The following FAM219A variants were observed in gnomAD, a reference collection of about 807,000 sequenced individuals.
FAM219A encodes protein FAM219A.
Under a neutral mutation model 23.4 loss-of-function variants are expected in FAM219A, and 7 were observed. The ratio of observed to expected loss-of-function variants is 0.30; its 90% CI spans 0.17 to 0.56. FAM219A has a LOEUF of 0.56. FAM219A is among the 20% of genes least tolerant of loss of function. The pLI, the probability that FAM219A is intolerant of heterozygous loss-of-function variation, is 0.92. For missense variants in FAM219A, 166 were observed against 246.9 expected (o/e 0.67, Z 2.20); for synonymous variants, 93 against 99.0 (o/e 0.94, Z 0.36).
intron 1 of FAM219A, among the ~76,000 whole-genome samples, chr9:34,429,748 C>CA (rs968903741): frequency 1.4e-4 from 21 of 151,714 alleles, no homozygotes; most frequent in Non-Finnish European, 2.5e-4. Context: ...CTTCCCTCTG[C>CA]AAAAAAAGGC....
intron 1 of FAM219A, among the ~76,000 whole-genome samples, chr9:34,419,703 A>C (rs780719521): frequency 2.0e-5 from 3 of 152,172 alleles, no homozygotes; most frequent in African/African-American, 7.2e-5. Context: ...ATCTCACTTA[A>C]GGCTTTTTAG....
chr9:34,439,728 G>A (rs1022918913), intron 1 of FAM219A, among the ~76,000 whole-genome samples: 1 of 152,070 alleles, frequency 6.6e-6, no homozygotes, highest in Non-Finnish European at 1.5e-5. Context: ...GAGAAGTGGA[G>A]GAAAAGCCAG....
At chr9:34,401,185 G>A (rs1042259014) in intron 5 of FAM219A, 63 bp from the exon 6 acceptor site, 234 of 1,568,128 alleles carry the variant, frequency 1.5e-4, no homozygotes, top group Non-Finnish European at 1.9e-4. Context: ...ACAGCTCTGC[G>A]GCCACTCCAG....
intron 1 of FAM219A, among the ~76,000 whole-genome samples, chr9:34,413,932 T>G (rs1821912173): frequency 1.3e-5 from 2 of 152,198 alleles, no homozygotes; most frequent in African/African-American, 2.4e-5. Context: ...TATCACAAAT[T>G]TATCCATTGG....
intron 1 of FAM219A, among the ~76,000 whole-genome samples, chr9:34,438,918 C>T (rs971053273): frequency 1.3e-5 from 2 of 152,376 alleles, no homozygotes; most frequent in Admixed American, 6.5e-5. Flanking sequence ...AATCTTGCTA[C>T]TGCTCATTCT....
intron 1 of FAM219A, among the ~76,000 whole-genome samples, chr9:34,456,856 T>C (rs1259132314): frequency 1.3e-5 from 2 of 152,220 alleles, no homozygotes; most frequent in East Asian, 3.8e-4. Flanking sequence ...CTTTGTCTCC[T>C]GCTAAGTGGC....
At chr9:34,403,769 C>A (rs1212254189) in intron 2 of FAM219A, among the ~76,000 whole-genome samples, 1 of 152,212 alleles carries the variant, frequency 6.6e-6, no homozygotes, top group Non-Finnish European at 1.5e-5. Context: ...GGGAAAATGA[C>A]TCATAAAATA....
chr9:34,408,543 C>T (rs754490325), intron 1 of FAM219A, among the ~76,000 whole-genome samples: 4 of 152,208 alleles, frequency 2.6e-5, no homozygotes, highest in Non-Finnish European at 5.9e-5. Context: ...TGGTAGCATT[C>T]GTCACATGTC....
intron 1 of FAM219A, among the ~76,000 whole-genome samples, chr9:34,450,647 G>A (rs1276080054): frequency 2.6e-5 from 4 of 152,130 alleles, no homozygotes; most frequent in Non-Finnish European, 5.9e-5. Context: ...TTGAACTCCC[G>A]ACCTGGTTAT....
chr9:34,413,234 T>G (rs1388480718), intron 1 of FAM219A, among the ~76,000 whole-genome samples: 16 of 131,354 alleles, frequency 1.2e-4, no homozygotes, highest in South Asian at 2.5e-4. Flanking sequence ...AGAAAGGGGG[T>G]GGAAAGTTAG....
At chr9:34,442,252 C>A (rs917446235) in intron 1 of FAM219A, among the ~76,000 whole-genome samples, 3 of 152,180 alleles carry the variant, frequency 2.0e-5, no homozygotes, top group Non-Finnish European at 2.9e-5. Context: ...AAAAACAACA[C>A]AAGAATGCAG....
intron 1 of FAM219A, among the ~76,000 whole-genome samples, chr9:34,439,176 G>A (rs745561484): frequency 5.3e-5 from 8 of 152,160 alleles, no homozygotes; most frequent in Admixed American, 1.3e-4. Flanking sequence ...CGGACACGCC[G>A]CCTTTAAGAA....
chr9:34,439,007 C>T (rs1391812791), intron 1 of FAM219A, among the ~76,000 whole-genome samples: 1 of 151,698 alleles, frequency 6.6e-6, no homozygotes, highest in Non-Finnish European at 1.5e-5. Context: ...AGCGAGACCA[C>T]GAGCCCACCG....
In FAM219A at chr9:34,407,548, G is replaced by A. The variant is rs549710521; in HGVS notation, c.61-1584C>T. Among the ~76,000 whole-genome samples, 8 of 152,264 alleles carry A rather than the reference G, an allele frequency of 5.3e-5. No homozygotes were observed. The East Asian group carries it at 1.5e-3, about 29-fold the overall frequency. On this transcript the variant is annotated intron_variant, in intron 1 of 5. Transcript: ENST00000651358. The stretch of plus-strand genomic sequence containing the variant: ...AGTGTCTTACGCAAAGTCAGTGATG[G>A]AGTCAATAACCTTTCAAAGCATGCA...
rs372106735 is a variant in FAM219A, at chr9:34,407,530, T to C, written c.61-1566A>G. 5.9e-5 allele frequency among the ~76,000 whole-genome samples: 9 copies of C among 152,276 alleles called. No homozygotes were observed. In the East Asian group the frequency reaches 1.7e-3, roughly 29 times the overall value. On this transcript the variant is annotated intron_variant, in intron 1 of 5. Transcript: ENST00000651358. ...ACCTGGGCCGAGAGGGGAAGTGTCTTACGCAAAGTCAGTGATGGAGTCAAT... is the reference window on the plus strand; with the variant it reads ...ACCTGGGCCGAGAGGGGAAGTGTCTCACGCAAAGTCAGTGATGGAGTCAAT...
chr9:34,403,158 T>C (rs1181357630), intron 2 of FAM219A, among the ~76,000 whole-genome samples: 1 of 152,150 alleles, frequency 6.6e-6, no homozygotes. Flanking sequence ...GGTGACACCA[T>C]GACCTGGAGA....
At position 34,423,004 on chromosome 9, in the gene FAM219A, G is replaced by A. The variant is rs531657433; in HGVS notation, c.61-17040C>T. Among the ~76,000 whole-genome samples the A allele has an allele frequency of 2.4e-3, 371 of 152,218 alleles. 2 individuals carry two copies. Among genetic ancestry groups the A allele is most frequent in the Admixed American group, 6.0e-3 (92 of 15,278 alleles). On this transcript the variant is annotated intron_variant, in intron 1 of 5. Transcript: ENST00000651358. ...AACATAGTAGGACTCCATTTCTACA[G>A]AAAAATTAAAGAAAATTAGCCCGGC...
chr9:34,398,222 C>G lies in FAM219A; in HGVS notation c.*2742G>C, dbSNP rs1323954435. 7 of 1,523,412 alleles carry G rather than the reference C, an allele frequency of 4.6e-6. No individual in the cohort carries two copies. The African/African-American group carries it at 9.7e-5, about 21-fold the overall frequency. The allele number at this position is 1,523,412 out of a possible 1,614,324, so 94.4% of individuals were successfully genotyped here. A position where few individuals can be genotyped will look rare whatever the true frequency, so the allele number is the denominator to read the frequency against. ...GCTTTTAATATCATTATTTGTGTTACACGATACACAACCAAGGATGATGGT... is the reference window on the plus strand; with the variant it reads ...GCTTTTAATATCATTATTTGTGTTAGACGATACACAACCAAGGATGATGGT... On this transcript the variant is annotated 3_prime_UTR_variant, in exon 6 of 6. Coordinates refer to ENST00000651358, the MANE Select transcript of FAM219A (RefSeq NM_001184940.2).
chr9:34,402,898 G>A (rs138816112), intron 2 of FAM219A, 91 bp from the exon 3 acceptor site: 14,039 of 1,102,276 alleles, frequency 0.013, 116 homozygotes, highest in Non-Finnish European at 0.016. Flanking sequence ...CCTCCACTGT[G>A]AAACCACTTG....
Sources: gnomAD v4.1 joint callset for allele counts (sites outside exome capture counted in the v4.1 genomes callset) on GRCh38, gnomAD v4.1.1 for gene constraint, MANE v1.5 for transcripts, NCBI Gene and HGNC (gene_info 2026-07-23, HGNC 2026-07-21) for gene names.